Variants in MAK observed in about 807,000 individuals in gnomAD.
MAK encodes the protein male germ cell associated kinase.
MAK carries 65 observed loss-of-function variants against 82.6 expected under a neutral mutation model. That is an observed-to-expected ratio of 0.79 (90% CI 0.64 to 0.97). The LOEUF (loss-of-function observed/expected upper bound fraction) is 0.97. Ranked by LOEUF, MAK falls within the 50% of genes least tolerant of loss-of-function variation. The pLI, the probability that MAK is intolerant of heterozygous loss-of-function variation, is 0.00. For missense variants in MAK, 703 were observed against 780.2 expected, an observed-to-expected ratio of 0.90 and a Z score of 1.18; for synonymous variants, 250 against 274.2, an observed-to-expected ratio of 0.91 and a Z score of 0.87.
chr6:10,771,719 C>T (rs1773039416), intron 13 of MAK, among the ~76,000 whole-genome samples: 1 of 152,242 alleles, frequency 6.6e-6, no homozygotes, highest in African/African-American at 2.4e-5. Flanking sequence ...ATTATGTTAT[C>T]AGCCCCTAAA....
chr6:10,797,540 C>T (rs2127550629), intron 8 of MAK: 3 of 970,056 alleles, frequency 3.1e-6, no homozygotes, highest in Admixed American at 6.1e-5. Flanking sequence ...AGGCTAAAAC[C>T]GAAAAAATAT....
intron 11 of MAK, among the ~76,000 whole-genome samples, chr6:10,778,836 G>C (rs1027345309): frequency 6.6e-6 from 1 of 151,968 alleles, no homozygotes; most frequent in Non-Finnish European, 1.5e-5. Flanking sequence ...AGTTTCATAA[G>C]TGCTATGGAG....
intron 2 of MAK, among the ~76,000 whole-genome samples, chr6:10,826,163 C>T (rs1362747794): frequency 6.6e-6 from 1 of 152,142 alleles, no homozygotes; most frequent in Non-Finnish European, 1.5e-5. Flanking sequence ...GTTACTCAGC[C>T]CCAGTTAGGC....
At chr6:10,798,228 C>T (rs1057244539) in intron 8 of MAK, among the ~76,000 whole-genome samples, 3 of 150,872 alleles carry the variant, frequency 2.0e-5, no homozygotes, top group Non-Finnish European at 2.9e-5. Context: ...AATTCTCCTG[C>T]CTCAGCCTCC....
chr6:10,830,598 A>G lies in MAK; in HGVS notation c.51T>C (p.Ser17=), dbSNP rs771149172. ...ATTCATTACTCTTGCCCATAAGCAC[A>G]CTCCCATACGTGCCGTCCCCCAACT... ...MRQLGDGTYG[S]VLMGKSNESG... The change falls in exon 2 of 15, where the codon AGT becomes AGC. Residue 17 remains serine, a synonymous_variant. Coordinates refer to ENST00000354489, the MANE Select transcript of MAK (RefSeq NM_001242957.3). The G allele has an allele frequency of 1.2e-6, 2 of 1,613,884 alleles. No individual in the cohort carries two copies. Among genetic ancestry groups the G allele is most frequent in the Non-Finnish European group, 1.7e-6 (2 of 1,179,976 alleles).
chr6:10,773,855 A>ATT (rs925735866), intron 12 of MAK, among the ~76,000 whole-genome samples: 11 of 150,634 alleles, frequency 7.3e-5, no homozygotes. Flanking sequence ...CCATGCCTGG[A>ATT]TTTTTTTTTG....
chr6:10,780,797 T>A (rs1433639123), intron 11 of MAK, among the ~76,000 whole-genome samples: 1 of 152,166 alleles, frequency 6.6e-6, no homozygotes, highest in Non-Finnish European at 1.5e-5. Context: ...GTGAAAACTA[T>A]CTCTCATGAA....
At chr6:10,791,226 T>A (rs1283771433) in intron 10 of MAK, among the ~76,000 whole-genome samples, 1 of 152,140 alleles carries the variant, frequency 6.6e-6, no homozygotes, top group African/African-American at 2.4e-5. Context: ...TGTGGAAAGA[T>A]TTGTGTTTTG....
chr6:10,803,066 G>A (rs899859298), intron 7 of MAK, among the ~76,000 whole-genome samples: 1 of 152,174 alleles, frequency 6.6e-6, no homozygotes, highest in Non-Finnish European at 1.5e-5. Context: ...GCCACAGAAT[G>A]AGCAGGAAAG....
At chr6:10,828,641 A>T (rs1326272818) in intron 2 of MAK, among the ~76,000 whole-genome samples, 1 of 152,172 alleles carries the variant, frequency 6.6e-6, no homozygotes, top group Non-Finnish European at 1.5e-5. Context: ...AAAATTTTTT[A>T]AAAATTAGCC....
At chr6:10,766,811 CAA>C (rs1772482387) in intron 14 of MAK, among the ~76,000 whole-genome samples, 1 of 152,074 alleles carries the variant, frequency 6.6e-6, no homozygotes, top group African/African-American at 2.4e-5. Flanking sequence ...TGGGGAGTAA[CAA>C]AAAGAGAAGC....
intron 5 of MAK, among the ~76,000 whole-genome samples, chr6:10,812,164 C>A (rs984149163): frequency 6.6e-6 from 1 of 152,148 alleles, no homozygotes; most frequent in Non-Finnish European, 1.5e-5. Flanking sequence ...GGCACCACTG[C>A]ACTCCAGCCT....
rs373312456 is a variant in MAK, at chr6:10,764,352, C to T, written c.*100G>A. 2 of 1,320,434 alleles carry T rather than the reference C, an allele frequency of 1.5e-6. No individual in the cohort carries two copies. The highest frequency in any genetic ancestry group is 2.4e-5 in the East Asian group (1 of 42,172). The allele number at this position is 1,320,434 out of a possible 1,614,324, so 81.8% of individuals were successfully genotyped here. On this transcript the variant is annotated 3_prime_UTR_variant, in exon 15 of 15. Transcript: ENST00000354489. ...AGTACCCACTTTTGCATATTTCTTCCAGAACTCAGTAGAAATAGACATTTG... is the reference window on the plus strand; with the variant it reads ...AGTACCCACTTTTGCATATTTCTTCTAGAACTCAGTAGAAATAGACATTTG...
At chr6:10,824,351 C>T (rs953066020) in intron 2 of MAK, among the ~76,000 whole-genome samples, 1 of 152,224 alleles carries the variant, frequency 6.6e-6, no homozygotes, top group Non-Finnish European at 1.5e-5. Flanking sequence ...CTATCCTTTT[C>T]ACCGTCGCTA....
chr6:10,817,028 T>C (rs564562253), intron 4 of MAK, among the ~76,000 whole-genome samples: 6 of 152,108 alleles, frequency 3.9e-5, no homozygotes, highest in Non-Finnish European at 8.8e-5. Context: ...GTTATGATGA[T>C]TTCGGCCTGG....
intron 14 of MAK, among the ~76,000 whole-genome samples, chr6:10,769,711 A>G (rs928760063): frequency 6.6e-6 from 1 of 152,106 alleles, no homozygotes; most frequent in Non-Finnish European, 1.5e-5. Flanking sequence ...AGCACAGCAC[A>G]CTCTTTGGAA....
intron 8 of MAK, chr6:10,797,834 C>T: frequency 7.8e-7 from 1 of 1,284,034 alleles, no homozygotes; most frequent in Non-Finnish European, 1.0e-6. Context: ...ACCAACCTCT[C>T]TCCCTAATTA....
At chr6:10,819,100 C>G (rs1045071815) in intron 2 of MAK, among the ~76,000 whole-genome samples, 160 bp from the exon 3 acceptor site, 2 of 152,196 alleles carry the variant, frequency 1.3e-5, no homozygotes, top group African/African-American at 4.8e-5. Flanking sequence ...CTCAAGGCTA[C>G]TTGGTAGGCC....
At chr6:10,803,992 A>G in intron 6 of MAK, 101 bp from the exon 7 acceptor site, 1 of 1,001,342 alleles carries the variant, frequency 1.0e-6, no homozygotes, top group East Asian at 2.5e-5. Flanking sequence ...CCATCAAGGA[A>G]CAGGTATTCA....
Sources: gnomAD v4.1 joint callset for allele counts (sites outside exome capture counted in the v4.1 genomes callset) on GRCh38, gnomAD v4.1.1 for gene constraint, MANE v1.5 for transcripts, NCBI Gene and HGNC (gene_info 2026-07-23, HGNC 2026-07-21) for gene names.